TRABD2B: variants seen among roughly 807,000 people sequenced by gnomAD.
The protein encoded by TRABD2B is metalloprotease TIKI2.
TRABD2B carries 14 observed loss-of-function variants against 40.1 expected under a neutral mutation model. The ratio of observed to expected loss-of-function variants is 0.35; its 90% confidence interval spans 0.23 to 0.55. The LOEUF is 0.55. TRABD2B is among the 20% of genes least tolerant of loss of function. The probability of loss-of-function intolerance (pLI) is 0.90; values close to 1 mark genes in which losing one functional copy is unlikely to be tolerated. For synonymous variants in TRABD2B, 263 were observed against 277.0 expected (o/e 0.95, Z 0.50); for missense variants, 541 against 648.6 (o/e 0.83, Z 1.80).
chr1:47,827,881 A>G (rs1187067693), intron 2 of TRABD2B, among the ~76,000 whole-genome samples: 1 of 152,082 alleles, frequency 6.6e-6, no homozygotes, highest in Non-Finnish European at 1.5e-5. Flanking sequence ...GGATTTAAAT[A>G]AGGTTTGAGT....
At chr1:47,951,787 G>T (rs1244147683) in intron 2 of TRABD2B, among the ~76,000 whole-genome samples, 1 of 152,182 alleles carries the variant, frequency 6.6e-6, no homozygotes, top group East Asian at 1.9e-4. Context: ...GAAACTCTCA[G>T]TGAGGTGACA....
chr1:47,838,407 A>T (rs747533346), intron 2 of TRABD2B, among the ~76,000 whole-genome samples: 5 of 152,202 alleles, frequency 3.3e-5, no homozygotes, highest in African/African-American at 7.2e-5. Flanking sequence ...GAGGGTCAGC[A>T]GGGTCTGCAG....
intron 2 of TRABD2B, among the ~76,000 whole-genome samples, chr1:47,914,937 G>A (rs1644810646): frequency 6.6e-6 from 1 of 152,234 alleles, no homozygotes. Flanking sequence ...TATAGACCTG[G>A]TTAGATGTCC....
intron 2 of TRABD2B, among the ~76,000 whole-genome samples, chr1:47,991,211 A>G (rs1290672024): frequency 1.3e-5 from 2 of 152,120 alleles, no homozygotes; most frequent in Non-Finnish European, 2.9e-5. Flanking sequence ...AAGTCATTCA[A>G]CATTTCTGGA....
chr1:47,825,400 C>T (rs1427016423), intron 2 of TRABD2B, among the ~76,000 whole-genome samples: 2 of 152,208 alleles, frequency 1.3e-5, no homozygotes, highest in Non-Finnish European at 2.9e-5. Context: ...CTCATTCACA[C>T]CATGGTTCTG....
intron 2 of TRABD2B, among the ~76,000 whole-genome samples, chr1:47,929,128 GT>G (rs1200549018): frequency 6.6e-6 from 1 of 152,224 alleles, no homozygotes; most frequent in Non-Finnish European, 1.5e-5. Flanking sequence ...CAGCCTAGAT[GT>G]TAATTTAGAC....
At position 47,808,312 on chromosome 1, in the gene TRABD2B, A is replaced by G. The variant is rs1644919471; in HGVS notation, c.667-6693T>C. On this transcript the variant is annotated intron_variant, in intron 2 of 6. Coordinates refer to ENST00000606738, the MANE Select transcript of TRABD2B (RefSeq NM_001194986.2). ...ACTACGTGTGTGTGTGTGTGTGTGT[A>G]TAAAATGTATATACCTATATATATA... Among the ~76,000 whole-genome samples the G allele has an allele frequency of 2.0e-5, 3 of 151,956 alleles. No homozygotes were observed. The South Asian group carries it at 6.3e-4, about 32-fold the overall frequency.
At chr1:47,930,474 G>C (rs1237977255) in intron 2 of TRABD2B, among the ~76,000 whole-genome samples, 1 of 152,110 alleles carries the variant, frequency 6.6e-6, no homozygotes. Context: ...GAAGTGGGGA[G>C]AGAGGAGCTA....
At chr1:47,981,878 C>T (rs994905186) in intron 2 of TRABD2B, among the ~76,000 whole-genome samples, 26 of 152,174 alleles carry the variant, frequency 1.7e-4, no homozygotes, top group South Asian at 2.1e-4. Context: ...TAAGCTGTTG[C>T]TAGGTAACAT....
intron 6 of TRABD2B, among the ~76,000 whole-genome samples, chr1:47,773,102 C>A (rs1644397728): frequency 1.3e-5 from 2 of 152,240 alleles, no homozygotes; most frequent in Non-Finnish European, 2.9e-5. Flanking sequence ...GCTGACAGCC[C>A]AGCTTCCCGT....
chr1:47,811,013 C>G (rs1644957713), intron 2 of TRABD2B, among the ~76,000 whole-genome samples: 2 of 152,178 alleles, frequency 1.3e-5, no homozygotes, highest in Non-Finnish European at 2.9e-5. Context: ...GAAAGTGGAT[C>G]TGGAGAGGAA....
intron 2 of TRABD2B, among the ~76,000 whole-genome samples, chr1:47,975,332 T>C (rs999270159): frequency 2.6e-5 from 4 of 152,218 alleles, no homozygotes; most frequent in African/African-American, 9.6e-5. Flanking sequence ...GTTAGGTGAA[T>C]GAATGTGCAG....
intron 2 of TRABD2B, among the ~76,000 whole-genome samples, chr1:47,882,545 A>G (rs1644319860): frequency 1.3e-5 from 2 of 152,342 alleles, no homozygotes; most frequent in Middle Eastern, 3.4e-3. Flanking sequence ...TGGTTCAGAT[A>G]GTCTGCTGAC....
chr1:47,802,814 C>G (rs747281359), intron 2 of TRABD2B, among the ~76,000 whole-genome samples: 2 of 152,172 alleles, frequency 1.3e-5, no homozygotes, highest in Non-Finnish European at 2.9e-5. Flanking sequence ...TCATGGTCCT[C>G]TTTTAAATGC....
chr1:47,810,161 C>CGT (rs1557584881), intron 2 of TRABD2B, among the ~76,000 whole-genome samples: 5 of 151,246 alleles, frequency 3.3e-5, no homozygotes, highest in Non-Finnish European at 5.9e-5. Flanking sequence ...TGTGCGCGCG[C>CGT]GCGCGCGCAC....
chr1:47,977,653 T>C (rs926977600), intron 2 of TRABD2B, among the ~76,000 whole-genome samples: 12 of 151,172 alleles, frequency 7.9e-5, no homozygotes, highest in Non-Finnish European at 1.5e-4. Context: ...CCTGGGACTC[T>C]TTCTTGAGCA....
intron 4 of TRABD2B, among the ~76,000 whole-genome samples, chr1:47,788,387 G>A (rs547284716): frequency 1.6e-4 from 25 of 152,328 alleles, no homozygotes; most frequent in Admixed American, 1.6e-3. Context: ...CTCTAGCTGG[G>A]GTAGAAACAG....
chr1:47,845,627 A>C (rs1034042322), intron 2 of TRABD2B, among the ~76,000 whole-genome samples: 8 of 152,222 alleles, frequency 5.3e-5, no homozygotes, highest in Non-Finnish European at 8.8e-5. Context: ...TATAATCATA[A>C]TAAACTATCT....
rs530221007 is a variant in TRABD2B at position 47,804,179 on chromosome 1, C to G, written c.667-2560G>C. 4.6e-5 allele frequency among the ~76,000 whole-genome samples: 7 copies of G among 152,344 alleles called. No individual in the cohort carries two copies. The East Asian group carries it at 1.2e-3, about 25-fold the overall frequency. ...GAGATGAGGTCAGCCCCCACCACCC[C>G]CTACCCAAAACTCCACCTCTGGGCC... On this transcript the variant is annotated intron_variant, in intron 2 of 6. Transcript: ENST00000606738.
Sources: gnomAD v4.1 joint callset for allele counts (sites outside exome capture counted in the v4.1 genomes callset) on GRCh38, gnomAD v4.1.1 for gene constraint, MANE v1.5 for transcripts, NCBI Gene and HGNC (gene_info 2026-07-23, HGNC 2026-07-21) for gene names.